The following BTBD8 variants were observed in gnomAD, a reference collection of about 807,000 sequenced individuals.
BTBD8 encodes BTB domain containing 8, also known as BTB/POZ domain-containing protein 8.
A neutral mutation model predicts 162.9 loss-of-function variants in BTBD8; 110 were observed. The observed-to-expected ratio is 0.68, with a 90% CI of 0.58 to 0.79. BTBD8 has a LOEUF of 0.79. BTBD8 is among the 30% of genes least tolerant of loss of function. BTBD8 has a pLI of 0.00. For missense variants in BTBD8, 1,905 were observed against 2,085.4 expected, an observed-to-expected ratio of 0.91 and a Z score of 1.68; for synonymous variants, 667 against 716.1, an observed-to-expected ratio of 0.93 and a Z score of 1.10.
At chr1:92,129,408 T>C (rs1383065657) in intron 4 of BTBD8, among the ~76,000 whole-genome samples, 1 of 151,752 alleles carries the variant, frequency 6.6e-6, no homozygotes, top group African/African-American at 2.4e-5. Flanking sequence ...CATACGTGAG[T>C]CTAGGAGTTC....
chr1:92,097,675 G>A (rs531962132), intron 2 of BTBD8, among the ~76,000 whole-genome samples: 1 of 152,146 alleles, frequency 6.6e-6, no homozygotes, highest in South Asian at 2.1e-4. Context: ...ACTCGACATG[G>A]TATTTTCACA....
chr1:92,171,326 A>T (rs1172160622), intron 12 of BTBD8, 73 bp from the exon 13 acceptor site: 8 of 1,104,316 alleles, frequency 7.2e-6, no homozygotes, highest in African/African-American at 4.8e-5. Context: ...TTCTACTGAC[A>T]TACTATTTTT....
At chr1:92,113,483 C>T (rs756137291) in intron 4 of BTBD8, among the ~76,000 whole-genome samples, 1 of 152,208 alleles carries the variant, frequency 6.6e-6, no homozygotes, top group Non-Finnish European at 1.5e-5. Context: ...TAGATAGAAG[C>T]ATCTTAGACT....
intron 1 of BTBD8, among the ~76,000 whole-genome samples, chr1:92,082,909 A>G (rs1648058175): frequency 6.6e-6 from 1 of 152,134 alleles, no homozygotes; most frequent in Admixed American, 6.5e-5. Context: ...GCTTACATGA[A>G]ATGTTTTACT....
At chr1:92,082,604 A>C (rs1648048341) in intron 1 of BTBD8, among the ~76,000 whole-genome samples, 1 of 152,218 alleles carries the variant, frequency 6.6e-6, no homozygotes. Flanking sequence ...AAGCACAGAA[A>C]TTTGAAAGAG....
chr1:92,112,296 C>A (rs536518864), intron 4 of BTBD8, among the ~76,000 whole-genome samples: 1 of 151,882 alleles, frequency 6.6e-6, no homozygotes, highest in Non-Finnish European at 1.5e-5. Flanking sequence ...CTCAGCTAAT[C>A]GGGAGGCTGA....
At chr1:92,095,568 C>T (rs1251744114) in intron 2 of BTBD8, among the ~76,000 whole-genome samples, 2 of 152,208 alleles carry the variant, frequency 1.3e-5, no homozygotes, top group African/African-American at 2.4e-5. Context: ...TTCCTTCTTA[C>T]TCCCCTATTG....
rs115495466 is a variant in BTBD8 at position 92,124,935 on chromosome 1, A to C, written c.663-4752A>C. Among the ~76,000 whole-genome samples, 266 of 152,146 alleles carry C rather than the reference A, an allele frequency of 1.7e-3. 3 individuals are homozygous for C. The highest frequency in any genetic ancestry group is 5.9e-3 in the African/African-American group (244 of 41,540). On this transcript the variant is annotated intron_variant, in intron 4 of 17. Transcript: ENST00000636805. ...TTTTTTAAAATTTAAAAATATTTTT[A>C]ATTTAGAGTTGTCCCTATTTTTATT...
At chr1:92,126,609 G>A (rs1217660167) in intron 4 of BTBD8, 3 of 371,678 alleles carry the variant, frequency 8.1e-6, no homozygotes, top group South Asian at 2.3e-5. Flanking sequence ...TGCACTTATT[G>A]TACGGTTTTT....
intron 2 of BTBD8, 90 bp downstream of exon 2, chr1:92,088,985 T>C (rs1305318459): frequency 9.2e-6 from 11 of 1,195,130 alleles, no homozygotes; most frequent in Non-Finnish European, 1.3e-5. Context: ...CATATGTATT[T>C]TGTAACCTGA....
At position 92,184,718 on chromosome 1, in the gene BTBD8, T is replaced by G. The variant is rs958825454; in HGVS notation, c.*388T>G. The stretch of plus-strand genomic sequence containing the variant: ...TAACAATAAAAACTTACCGTGCTTG[T>G]GTCCATTCATGTAGAGTTTTCTGTG... On this transcript the variant is annotated 3_prime_UTR_variant, in exon 18 of 18. Coordinates refer to ENST00000636805, the MANE Select transcript of BTBD8 (RefSeq NM_001376131.1). The G allele has an allele frequency of 1.3e-5, 2 of 156,100 alleles. No individual in the cohort carries two copies. The highest frequency in any genetic ancestry group is 3.8e-4 in the East Asian group (2 of 5,318). 9.7% of individuals were successfully genotyped at this position (156,100 alleles called of 1,614,324 possible).
chr1:92,171,403 A>G lies in BTBD8; in HGVS notation c.1578A>G (p.Ala526=). 1.3e-6 allele frequency: 2 copies of G among 1,539,510 alleles called. No individual in the cohort carries two copies. Among genetic ancestry groups the G allele is most frequent in the South Asian group, 2.5e-5 (2 of 81,530 alleles). The change falls in exon 13 of 18, where the codon GCA becomes GCG. Residue 526 remains alanine, a synonymous_variant. Transcript: ENST00000636805. ...TDDQQKIQAA[A]FDKGDDRRLG... is the part of the protein sequence containing the mutation. ...AATTGCTGTTTCTTTCTACAGCTGC[A>G]TTTGACAAAGGTGATGATCGAAGAC...
chr1:92,108,216 G>A (rs113271102), intron 4 of BTBD8, among the ~76,000 whole-genome samples: 74 of 152,312 alleles, frequency 4.9e-4, no homozygotes, highest in African/African-American at 1.6e-3. Context: ...GTTTTCACAC[G>A]TGCATACGTT....
intron 13 of BTBD8, among the ~76,000 whole-genome samples, chr1:92,175,477 C>CAAAAAAAAAAAA (rs71091265): frequency 1.9e-4 from 7 of 37,450 alleles, no homozygotes; most frequent in African/African-American, 3.9e-4. Flanking sequence ...GACTCCATCT[C>CAAAAAAAAAAAA]AAAAAAAAAA....
In BTBD8 at chr1:92,176,890, A is replaced by T. The variant is rs1369710396; in HGVS notation, c.1697A>T (p.Lys566Met). 6.6e-7 allele frequency: 1 copy of T among 1,505,572 alleles called. No homozygotes were observed. Among genetic ancestry groups the T allele is most frequent in the South Asian group, 1.3e-5 (1 of 75,138 alleles). The allele number at this position is 1,505,572 out of a possible 1,614,324, so 93.3% of individuals were successfully genotyped here. Residue 566 changes from lysine (K) to methionine (M), a missense_variant, in exon 14 of 18, where the codon AAG becomes ATG. Lys to Met is a moderately conservative substitution (Grantham distance 95). Transcript: ENST00000636805. The part of the protein sequence containing the change: ...IKIKSWRGNN[K>M]KECWSYLSTN... The stretch of plus-strand genomic sequence containing the variant: ...ATCAAATCTTGGAGGGGAAATAACA[A>T]GAAAGAGTGTTGGAGTTATCTCTCT...
At chr1:92,152,768 A>G (rs185948669) in intron 9 of BTBD8, among the ~76,000 whole-genome samples, 10 of 151,996 alleles carry the variant, frequency 6.6e-5, no homozygotes, top group South Asian at 2.1e-4. Context: ...TTATAGCTGT[A>G]ATTAGGTCCT....
intron 5 of BTBD8, among the ~76,000 whole-genome samples, chr1:92,134,994 C>T (rs984074807): frequency 2.0e-5 from 3 of 151,394 alleles, no homozygotes; most frequent in South Asian, 2.1e-4. Flanking sequence ...CGGGTTCAAG[C>T]GATTCTCCTG....
At chr1:92,122,460 TG>T (rs1557447443) in intron 4 of BTBD8, among the ~76,000 whole-genome samples, 1 of 152,154 alleles carries the variant, frequency 6.6e-6, no homozygotes. Flanking sequence ...GATTTCACCA[TG>T]TTGGCCAGGA....
intron 4 of BTBD8, among the ~76,000 whole-genome samples, chr1:92,111,940 C>T (rs1243983278): frequency 6.6e-6 from 1 of 152,162 alleles, no homozygotes; most frequent in Non-Finnish European, 1.5e-5. Context: ...TCTAAAGTGC[C>T]TTTCAAGAGT....
Sources: gnomAD v4.1 joint callset for allele counts (sites outside exome capture counted in the v4.1 genomes callset) on GRCh38, gnomAD v4.1.1 for gene constraint, MANE v1.5 for transcripts, NCBI Gene and HGNC (gene_info 2026-07-23, HGNC 2026-07-21) for gene names.